The following NOP53 variants were observed in gnomAD, a reference collection of about 807,000 sequenced individuals.
NOP53 encodes the protein NOP53 ribosome biogenesis factor, also known as ribosome biogenesis protein NOP53.
A neutral mutation model predicts 61.0 loss-of-function variants in NOP53; 40 were observed. The ratio of observed to expected loss-of-function variants is 0.66; its 90% CI spans 0.51 to 0.85. NOP53 has a LOEUF of 0.85. Ranked by LOEUF, NOP53 falls within the 40% of genes least tolerant of loss-of-function variation. The pLI is 0.00. For missense variants in NOP53, 689 were observed against 652.9 expected (o/e 1.06, Z -0.60); for synonymous variants, 308 against 289.5 (o/e 1.06, Z -0.65).
chr19:47,751,281 C>T, intron 4 of NOP53, 174 bp downstream of exon 4: 3 of 687,768 alleles, frequency 4.4e-6, no homozygotes, highest in Non-Finnish European at 7.4e-6. Flanking sequence ...TCGTGCTTTT[C>T]CTTTCCTGAG....
intron 1 of NOP53, 35 bp from the exon 2 acceptor site, chr19:47,746,932 A>T: frequency 6.3e-7 from 1 of 1,580,338 alleles, no homozygotes; most frequent in Non-Finnish European, 8.7e-7. Context: ...CCTCTCCAAC[A>T]TCTCTGGCTG....
At chr19:47,755,669 G>C (rs570431983) in intron 9 of NOP53, 87 bp from the exon 10 acceptor site, 2 of 1,379,346 alleles carry the variant, frequency 1.4e-6, no homozygotes, top group African/African-American at 2.9e-5. Flanking sequence ...ATTCTCAGAG[G>C]CCCCTTCTTC....
At position 47,746,124 on chromosome 19, in the gene NOP53, G is replaced by A. The variant is rs1201085097; in HGVS notation, c.224+341G>A. 4 of 315,898 alleles carry A rather than the reference G, an allele frequency of 1.3e-5. No homozygotes were observed. In the South Asian group the frequency reaches 1.9e-4, roughly 15 times the overall value. The allele number at this position is 315,898 out of a possible 1,614,324, so 19.6% of individuals were successfully genotyped here. A position where few individuals can be genotyped will look rare whatever the true frequency, so the allele number is the denominator to read the frequency against. ...TGTGTGTGTGTGTATGTATATATGT[G>A]TGTGTATATATATGTGTATATGTGT... On this transcript the variant is annotated intron_variant, in intron 1 of 12. Transcript: ENST00000246802.
chr19:47,752,944 G>A, intron 6 of NOP53: 1 of 264,798 alleles, frequency 3.8e-6, no homozygotes, highest in Non-Finnish European at 7.4e-6. Context: ...CACTGCAAAG[G>A]CACAGAGTTG....
chr19:47,756,640 A>G (rs1212896670), intron 11 of NOP53, 36 bp downstream of exon 11: 1 of 1,612,962 alleles, frequency 6.2e-7, no homozygotes, highest in Non-Finnish European at 8.5e-7. Flanking sequence ...GGGCGAGGGC[A>G]TCTGGGATTG....
In NOP53 at chr19:47,756,987, C is replaced by T; in HGVS notation, c.1431-12C>T. 2.5e-6 allele frequency: 4 copies of T among 1,614,112 alleles called. No homozygotes were observed. Among genetic ancestry groups the T allele is most frequent in the Non-Finnish European group, 2.5e-6 (3 of 1,179,954 alleles). On this transcript the variant is annotated splice_polypyrimidine_tract_variant and intron_variant, in intron 12 of 12. Coordinates refer to ENST00000246802, the MANE Select transcript of NOP53 (RefSeq NM_015710.5). ...CTCTCACCCACCCTCAGCTCCTTTC[C>T]TCTGTCCCCAGGTTGTAGCTGCCAT...
rs1420955955 is a variant in NOP53 at position 47,754,592 on chromosome 19, G to A, written c.831G>A (p.Arg277=). 6.4e-7 allele frequency: 1 copy of A among 1,550,862 alleles called. No homozygotes were observed. The highest frequency in any genetic ancestry group is 2.4e-5 in the East Asian group (1 of 41,060). The change falls in exon 7 of 13, where the codon CGG becomes CGA. Residue 277 remains arginine (R), a synonymous_variant. Transcript: ENST00000246802. The surrounding 1 kb of genome is among the most constrained non-coding windows in gnomAD (Gnocchi z 4.2). ...QRQKEAEKLE[R]QLALPATEQA... ...AGAAGGAGGCGGAGAAGCTGGAGCG[G>A]CAGCTGGCCCTGCCCGCCACGGAGC... is the stretch of plus-strand genomic sequence containing the variant.
intron 6 of NOP53, chr19:47,752,931 C>T (rs1967142529): frequency 3.1e-6 from 1 of 320,894 alleles, no homozygotes; most frequent in Non-Finnish European, 6.0e-6. Context: ...GTGGTGGGAA[C>T]AGCACTGCAA....
At position 47,754,908 on chromosome 19, in the gene NOP53, G is replaced by T. The variant is rs1359649137; in HGVS notation, c.1053+17G>T. On this transcript the variant is annotated intron_variant, in intron 8 of 12. Coordinates refer to ENST00000246802, the MANE Select transcript of NOP53 (RefSeq NM_015710.5). The surrounding 1 kb of genome is among the most constrained non-coding windows in gnomAD (Gnocchi z 4.2). ...CACAGGCTGGTGAGCGCCTGGGCCA[G>T]CGGGGCCTGCCTCTGATGCCTCGCC... 2.0e-6 allele frequency: 3 copies of T among 1,490,134 alleles called. No individual in the cohort carries two copies. The highest frequency in any genetic ancestry group is 2.9e-5 in the African/African-American group (2 of 69,986). 92.3% of individuals were successfully genotyped at this position (1,490,134 alleles called of 1,614,324 possible). A position where few individuals can be genotyped will look rare whatever the true frequency, so the allele number is the denominator to read the frequency against.
rs1220402624 is a variant in NOP53 at position 47,754,494 on chromosome 19, G to C, written c.766-33G>C. 6.8e-7 allele frequency: 1 copy of C among 1,471,668 alleles called. No homozygotes were observed. The highest frequency in any genetic ancestry group is 9.3e-7 in the Non-Finnish European group (1 of 1,077,136). The allele number at this position is 1,471,668 out of a possible 1,614,324, so 91.2% of individuals were successfully genotyped here. On this transcript the variant is annotated intron_variant, in intron 6 of 12. Coordinates refer to ENST00000246802, the MANE Select transcript of NOP53 (RefSeq NM_015710.5). The surrounding 1 kb of genome is among the most constrained non-coding windows in gnomAD (Gnocchi z 4.2). ...GTCTAGTCTCAGTGTCCCAGGAGGG[G>C]TTCAGGGACCCATCCTCACTCCCGC... is the stretch of plus-strand genomic sequence containing the variant.
chr19:47,750,804 C>G, intron 3 of NOP53, 104 bp from the exon 4 acceptor site: 1 of 912,332 alleles, frequency 1.1e-6, no homozygotes, highest in Non-Finnish European at 1.7e-6. Flanking sequence ...AGAGGGGGTG[C>G]TGAAGCTGCC....
chr19:47,756,371 G>A, intron 10 of NOP53, 157 bp from the exon 11 acceptor site: 1 of 613,726 alleles, frequency 1.6e-6, no homozygotes, highest in South Asian at 1.9e-5. Flanking sequence ...TCCCAACACT[G>A]AGCCCCAGCA....
chr19:47,749,762 CCT>C (rs1432307731), intron 2 of NOP53, among the ~76,000 whole-genome samples: 8 of 151,696 alleles, frequency 5.3e-5, no homozygotes, highest in African/African-American at 1.5e-4. Flanking sequence ...TTTTTTTCCC[CCT>C]GAGATGAGAT....
Position 47,746,970 on chromosome 19 carries a change from C to G in NOP53, c.228C>G (p.Gly76=), listed in dbSNP as rs780092524. The G allele has an allele frequency of 1.9e-6, 3 of 1,613,230 alleles. No individual in the cohort carries two copies. The part of the protein sequence containing the change: ...DVRLQERTSG[G]LLSEAPNEKL... ...GTTCTGCATTTCTGTCCCCCAGTGG[C>G]TTGTTGTCAGAGGCCCCAAATGAAA... is the stretch of plus-strand genomic sequence containing the variant. The change falls in exon 2 of 13, where the codon GGC becomes GGG. Residue 76 remains glycine (G), a synonymous_variant. Coordinates refer to ENST00000246802, the MANE Select transcript of NOP53 (RefSeq NM_015710.5).
chr19:47,745,866 G>T, intron 1 of NOP53, 83 bp downstream of exon 1: 1 of 62,242 alleles, frequency 1.6e-5, no homozygotes. Context: ...GACTCGTCGG[G>T]GGTCGGGGGT....
At chr19:47,751,791 C>T (rs1205998128) in intron 5 of NOP53, among the ~76,000 whole-genome samples, 2 of 152,132 alleles carry the variant, frequency 1.3e-5, no homozygotes, top group African/African-American at 4.8e-5. Context: ...CTTTCTGCAA[C>T]CTATATCTTC....
rs1967205868 is a variant in NOP53 at position 47,756,753 on chromosome 19, A to C, written c.1430+9A>C. On this transcript the variant is annotated intron_variant, in intron 12 of 12. Transcript: ENST00000246802. ...GCGTTCCGTGAGATCCAGTGAGTCCACCCGGCTTCGGCGCAAGGAAGGGAG... is the reference window on the plus strand; with the variant it reads ...GCGTTCCGTGAGATCCAGTGAGTCCCCCCGGCTTCGGCGCAAGGAAGGGAG... The C allele has an allele frequency of 6.2e-7, 1 of 1,612,868 alleles. No individual in the cohort carries two copies. Among genetic ancestry groups the C allele is most frequent in the African/African-American group, 1.3e-5 (1 of 74,864 alleles).
At position 47,756,528 on chromosome 19, in the gene NOP53, C is replaced by A. The variant is rs1264677647; in HGVS notation, c.1297C>A (p.Pro433Thr). ...TGAGGCCTCCCTCTCTGTCCTGTAGCCCGAGGGCAACATCCTTCGAGACCG... is the reference window on the plus strand; with the variant it reads ...TGAGGCCTCCCTCTCTGTCCTGTAGACCGAGGGCAACATCCTTCGAGACCG... ...ELTDSLRTLK[P>T]EGNILRDRFK... The change falls in exon 11 of 13, where the codon CCC becomes ACC. Residue 433 changes from proline (P) to threonine (T), a missense_variant and splice_region_variant. Transcript: ENST00000246802. The A allele has an allele frequency of 1.2e-6, 2 of 1,613,542 alleles. No homozygotes were observed. Among genetic ancestry groups the A allele is most frequent in the Admixed American group, 1.7e-5 (1 of 60,020 alleles).
At chr19:47,749,450 G>C (rs547349337) in intron 2 of NOP53, among the ~76,000 whole-genome samples, 1 of 152,098 alleles carries the variant, frequency 6.6e-6, no homozygotes, top group Admixed American at 6.6e-5. Context: ...TCTTCATAAC[G>C]GCCTAGTGAG....
Sources: gnomAD v4.1 joint callset for allele counts (sites outside exome capture counted in the v4.1 genomes callset) on GRCh38, gnomAD v4.1.1 for gene constraint, Gnocchi (gnomAD v3.1) non-coding constraint, MANE v1.5 for transcripts, NCBI Gene and HGNC (gene_info 2026-07-23, HGNC 2026-07-21) for gene names.